The following GALK2 variants were observed in gnomAD, a reference collection of about 807,000 sequenced individuals.
The protein encoded by GALK2 is galactokinase 2.
Under a neutral mutation model 52.4 loss-of-function variants are expected in GALK2, and 36 were observed. That is an observed-to-expected ratio of 0.69 (90% CI 0.53 to 0.91). The LOEUF (loss-of-function observed/expected upper bound fraction) is 0.91. Ranked by LOEUF, GALK2 falls within the 40% of genes least tolerant of loss-of-function variation. The pLI is 0.00. For synonymous variants in GALK2, 176 were observed against 199.1 expected, an observed-to-expected ratio of 0.88 and a Z score of 0.98; for missense variants, 579 against 559.1, an observed-to-expected ratio of 1.04 and a Z score of -0.36.
chr15:49,170,084 G>A (rs1014037079), upstream of GALK2: 338 of 830,516 alleles, frequency 4.1e-4, 1 homozygote, highest in Non-Finnish European at 5.7e-4. Context: ...GGAGCTAAGA[G>A]CAGGACGGAG....
chr15:49,295,747 G>C (rs1202377260), intron 8 of GALK2, among the ~76,000 whole-genome samples: 1 of 152,086 alleles, frequency 6.6e-6, no homozygotes, highest in Non-Finnish European at 1.5e-5. Context: ...AAATACCACT[G>C]TGCTTTTATA....
At chr15:49,350,862 A>C (rs2042139912) in intron 3 of GALK2, among the ~76,000 whole-genome samples, 1 of 152,220 alleles carries the variant, frequency 6.6e-6, no homozygotes, top group African/African-American at 2.4e-5. Context: ...GGGAGTGAAT[A>C]AGTACAAAGG....
chr15:49,173,990 G>A (rs1300190762), intron 1 of GALK2, among the ~76,000 whole-genome samples: 3 of 152,034 alleles, frequency 2.0e-5, no homozygotes, highest in African/African-American at 4.8e-5. Flanking sequence ...TGATCCACCC[G>A]CCTTGGTCTC....
At chr15:49,194,909 C>T (rs186718634) in intron 1 of GALK2, among the ~76,000 whole-genome samples, 5 of 151,966 alleles carry the variant, frequency 3.3e-5, no homozygotes, top group Admixed American at 2.0e-4. Flanking sequence ...ATTTGTTTTT[C>T]GTAAGGTCTT....
chr15:49,161,403 C>G (rs1477460006), intron 1 of GALK2, among the ~76,000 whole-genome samples: 1 of 152,196 alleles, frequency 6.6e-6, no homozygotes, highest in African/African-American at 2.4e-5. Context: ...CTGTATCACA[C>G]ATCAAAATAT....
downstream of GALK2, chr15:49,335,492 G>T (rs148287477): frequency 1.2e-6 from 2 of 1,612,190 alleles, no homozygotes. Context: ...GTTGGAGCAG[G>T]TAGTGTGCTA....
chr15:49,290,544 C>G (rs1181671942), intron 7 of GALK2, among the ~76,000 whole-genome samples: 1 of 152,200 alleles, frequency 6.6e-6, no homozygotes, highest in East Asian at 1.9e-4. Flanking sequence ...TTTCTCCCCA[C>G]ACATCACTGG....
chr15:49,170,584 T>G (rs2085006967), intron 1 of GALK2: 3 of 560,458 alleles, frequency 5.4e-6, no homozygotes, highest in African/African-American at 3.7e-5. Context: ...AAGGGTTGTA[T>G]GTTTTTTTCT....
chr15:49,356,902 A>C (rs910998294), intron 3 of GALK2, among the ~76,000 whole-genome samples: 1 of 142,420 alleles, frequency 7.0e-6, no homozygotes, highest in Non-Finnish European at 1.5e-5. Context: ...CCACAGTGCA[A>C]TCAAACTAGA....
upstream of GALK2, among the ~76,000 whole-genome samples, chr15:49,166,528 G>T (rs1205234148): frequency 6.6e-6 from 1 of 152,092 alleles, no homozygotes; most frequent in Admixed American, 6.5e-5. Context: ...AGACCAGCCT[G>T]GCCAACATGT....
intron 3 of GALK2, among the ~76,000 whole-genome samples, chr15:49,225,517 GA>G (rs1382762937): frequency 6.6e-6 from 1 of 152,188 alleles, no homozygotes. Flanking sequence ...ATCTGAGGTA[GA>G]ACAGTTTCAA....
chr15:49,207,693 T>G (rs540630893), intron 2 of GALK2, among the ~76,000 whole-genome samples: 33 of 152,350 alleles, frequency 2.2e-4, no homozygotes, highest in African/African-American at 7.7e-4. Flanking sequence ...GTATCAATTG[T>G]AATATCTCCT....
intron 3 of GALK2, among the ~76,000 whole-genome samples, chr15:49,342,071 G>A (rs182548577): frequency 1.8e-4 from 28 of 152,244 alleles, no homozygotes; most frequent in Non-Finnish European, 2.9e-4. Flanking sequence ...TCTAAATCAA[G>A]TCCTGAGTTT....
In GALK2 at chr15:49,239,338, C is replaced by T. The variant is rs967098843; in HGVS notation, c.475C>T (p.Leu159Phe). The change falls in exon 5 of 10, where the codon CTC (leucine) becomes TTC (phenylalanine). Residue 159 changes from leucine (L) to phenylalanine (F), a missense_variant. Leu to Phe is a conservative substitution (Grantham distance 22). Transcript: ENST00000560031. Reference sequence around the variant, plus strand: ...GGTCTGTTGTGCTGGCTTGGTGACGCTCACAGTGCTGGGAAGGAATCTATC... The same window carrying T: ...GGTCTGTTGTGCTGGCTTGGTGACGTTCACAGTGCTGGGAAGGAATCTATC... ...ALVCCAGLVT[L>F]TVLGRNLSKV... The T allele has an allele frequency of 9.9e-6, 16 of 1,614,106 alleles. No individual in the cohort carries two copies. Among genetic ancestry groups the T allele is most frequent in the Middle Eastern group, 1.7e-4 (1 of 6,060 alleles).
chr15:49,225,842 G>C (rs77878623), intron 3 of GALK2, among the ~76,000 whole-genome samples: 3,368 of 152,322 alleles, frequency 0.022, 102 homozygotes, highest in South Asian at 0.077. Flanking sequence ...TGTGCTGGGG[G>C]ATTCCAACTG....
intron 8 of GALK2, 76 bp from the exon 9 acceptor site, chr15:49,319,528 A>T: frequency 8.2e-7 from 1 of 1,216,422 alleles, no homozygotes; most frequent in African/African-American, 1.5e-5. Context: ...GAAAGTCTTT[A>T]AAAGTGTATT....
At chr15:49,331,926 T>C (rs1368821207), downstream of GALK2, 11 of 832,814 alleles carry the variant, frequency 1.3e-5, no homozygotes, top group Non-Finnish European at 2.3e-5. Context: ...CCAACATTTA[T>C]TAAGAATTTA....
intron 7 of GALK2, among the ~76,000 whole-genome samples, chr15:49,288,223 T>C (rs185249242): frequency 3.3e-4 from 50 of 152,330 alleles, no homozygotes; most frequent in African/African-American, 1.2e-3. Flanking sequence ...CCCTTAGTTA[T>C]GTTGAAGAAT....
chr15:49,285,851 G>C (rs2033291241), intron 7 of GALK2, among the ~76,000 whole-genome samples: 1 of 152,068 alleles, frequency 6.6e-6, no homozygotes, highest in Non-Finnish European at 1.5e-5. Context: ...CCTTTCAAAA[G>C]CTTCCTATTT....
Sources: allele counts gnomAD v4.1 joint callset (sites outside exome capture counted in the v4.1 genomes callset), GRCh38; gene constraint gnomAD v4.1.1; transcripts MANE v1.5; gene names NCBI Gene and HGNC (gene_info 2026-07-23, HGNC 2026-07-21).